The following TIMM22 variants were observed in gnomAD, a reference collection of about 807,000 sequenced individuals.
TIMM22 encodes the protein mitochondrial import inner membrane translocase subunit Tim22.
In TIMM22, 12 loss-of-function variants were observed where a neutral mutation model predicts 18.3. The ratio of observed to expected loss-of-function variants is 0.65; its 90% CI spans 0.42 to 1.06. The LOEUF (loss-of-function observed/expected upper bound fraction) is 1.06. Among genes scored for constraint, TIMM22 ranks in the 50% least tolerant of loss-of-function variants. The pLI, the probability that TIMM22 is intolerant of heterozygous loss-of-function variation, is 0.00. For synonymous variants in TIMM22, 107 were observed against 98.5 expected (o/e 1.09, Z -0.51); for missense variants, 278 against 252.8 (o/e 1.10, Z -0.68).
rs2150670443 is a variant in TIMM22, at chr17:1,003,551, T to TTTTA, written c.*2466_*2469dup. 6.5e-6 allele frequency: 1 copy of TTTTA among 152,792 alleles called. No individual in the cohort carries two copies. The highest frequency in any genetic ancestry group is 2.4e-5 in the African/African-American group (1 of 41,592). 9.5% of individuals were successfully genotyped at this position (152,792 alleles called of 1,614,324 possible). A position where few individuals can be genotyped will look rare whatever the true frequency, so the allele number is the denominator to read the frequency against. On this transcript the variant is annotated 3_prime_UTR_variant, in exon 4 of 4. Coordinates refer to ENST00000327158, the MANE Select transcript of TIMM22 (RefSeq NM_013337.4). ...TGTGCAAATGATGGGGCTTTGCATTTTTTATTAACATTTTCCTCTCACGTG... is the reference window on the plus strand; with the variant it reads ...TGTGCAAATGATGGGGCTTTGCATTTTTTATTTATTAACATTTTCCTCTCACGTG...
intron 1 of TIMM22, 72 bp from the exon 2 acceptor site, chr17:998,707 T>G: frequency 6.6e-7 from 1 of 1,523,906 alleles, no homozygotes; most frequent in South Asian, 1.3e-5. Context: ...GCATGGTCCC[T>G]TCCAGGATGA....
chr17:997,182 G>C lies in TIMM22; in HGVS notation c.40G>C (p.Glu14Gln), dbSNP rs2069689621. 1 of 1,611,778 alleles carries C rather than the reference G, an allele frequency of 6.2e-7. No homozygotes were observed. The highest frequency in any genetic ancestry group is 1.3e-5 in the African/African-American group (1 of 75,056). Residue 14 changes from glutamate (E) to glutamine (Q), a missense_variant, in exon 1 of 4, where the codon GAG (glutamate) becomes CAG (glutamine). By Grantham distance (29) the Glu-to-Gln change is conservative (BLOSUM62 2). Transcript: ENST00000327158. ...CCCCAATGCCGGAGGCTCGGCCCCT[G>C]AGACAGCGGGTTCCGCCGAAGCTCC... The part of the protein sequence containing the change: ...AAPNAGGSAP[E>Q]TAGSAEAPLQ...
chr17:999,008 T>C (rs994135478), intron 2 of TIMM22, 33 bp downstream of exon 2: 23 of 1,578,044 alleles, frequency 1.5e-5, no homozygotes, highest in Admixed American at 9.0e-5. Flanking sequence ...AAATCCTTGC[T>C]GGGGCCACCA....
rs566005290 is a variant in TIMM22 at position 998,164 on chromosome 17, G to A, written c.239-615G>A. On this transcript the variant is annotated intron_variant, in intron 1 of 3. Transcript: ENST00000327158. ...CTTCTGTTTTTCCCTTAAGTTGAAG[G>A]GGAGGTGCCCATGATTTTATTAAAC... Among the ~76,000 whole-genome samples the A allele has an allele frequency of 9.2e-5, 14 of 152,316 alleles. No individual in the cohort carries two copies. In the South Asian group the frequency reaches 2.5e-3, roughly 27 times the overall value.
At chr17:997,440 T>G in intron 1 of TIMM22, 60 bp downstream of exon 1, 10 of 1,516,540 alleles carry the variant, frequency 6.6e-6, no homozygotes, top group African/African-American at 1.4e-5. Flanking sequence ...TGGGGATCTC[T>G]GCCGAGAAGA....
chr17:998,413 T>C (rs1310491001), intron 1 of TIMM22, among the ~76,000 whole-genome samples: 3 of 152,224 alleles, frequency 2.0e-5, no homozygotes, highest in African/African-American at 7.2e-5. Flanking sequence ...CATACTGGCA[T>C]GTGCTCAGTA....
intron 3 of TIMM22, among the ~76,000 whole-genome samples, chr17:1,000,420 AC>A (rs1309374587): frequency 1.3e-5 from 2 of 151,314 alleles, no homozygotes; most frequent in African/African-American, 4.9e-5. Context: ...TGGTGACTTG[AC>A]TTTCCTAGAA....
Position 1,002,477 on chromosome 17 carries a change from G to T in TIMM22, c.*1389G>T, listed in dbSNP as rs1248132147. On this transcript the variant is annotated 3_prime_UTR_variant, in exon 4 of 4. Transcript: ENST00000327158. ...GCCCGAGTGTTTGTACATGAGTGAT[G>T]ATGTCAAACCCAGCTGGTAACACCT... 1 of 152,218 alleles carries T rather than the reference G, an allele frequency of 6.6e-6. No individual in the cohort carries two copies. The highest frequency in any genetic ancestry group is 1.5e-5 in the Non-Finnish European group (1 of 68,056). 9.4% of individuals were successfully genotyped at this position (152,218 alleles called of 1,614,324 possible).
At position 1,001,052 on chromosome 17, in the gene TIMM22, T is replaced by C. The variant is rs773209832; in HGVS notation, c.549T>C (p.Ala183=). 2 of 1,614,088 alleles carry C rather than the reference T, an allele frequency of 1.2e-6. No homozygotes were observed. The highest frequency in any genetic ancestry group is 2.2e-5 in the East Asian group (1 of 44,876). ...GGGCCATTGGTTGTGGAGGTTTTGC[T>C]GCTTTCTCTGCTGCGATTGATTATT... ...KAGAIGCGGF[A]AFSAAIDYYL... is the part of the protein sequence containing the mutation. Residue 183 remains alanine (A), a synonymous_variant, in exon 4 of 4, where the codon GCT becomes GCC. Transcript: ENST00000327158.
rs1433948700 is a variant in TIMM22 at position 1,001,580 on chromosome 17, T to G, written c.*492T>G. 4 of 151,782 alleles carry G rather than the reference T, an allele frequency of 2.6e-5. No individual in the cohort carries two copies. Among genetic ancestry groups the G allele is most frequent in the African/African-American group, 4.9e-5 (2 of 40,862 alleles). 9.4% of individuals were successfully genotyped at this position (151,782 alleles called of 1,614,324 possible). A position where few individuals can be genotyped will look rare whatever the true frequency, so the allele number is the denominator to read the frequency against. On this transcript the variant is annotated 3_prime_UTR_variant, in exon 4 of 4. Coordinates refer to ENST00000327158, the MANE Select transcript of TIMM22 (RefSeq NM_013337.4). Reference sequence around the variant, plus strand: ...CTTGTTTTGTGTTCTGTCATCCTTGTTTTTTTTTTAAAAATACACTCCCCT... The same window carrying G: ...CTTGTTTTGTGTTCTGTCATCCTTGGTTTTTTTTTAAAAATACACTCCCCT...
intron 1 of TIMM22, 90 bp from the exon 2 acceptor site, chr17:998,689 A>T (rs2069709561): frequency 2.4e-5 from 34 of 1,422,034 alleles, no homozygotes; most frequent in Non-Finnish European, 3.1e-5. Flanking sequence ...ACCGGTGGTC[A>T]TCCAAAAGCA....
Position 997,350 on chromosome 17 carries a change from G to T in TIMM22, c.208G>T (p.Ala70Ser). 3.7e-6 allele frequency: 6 copies of T among 1,613,516 alleles called. No homozygotes were observed. Among genetic ancestry groups the T allele is most frequent in the South Asian group, 1.1e-5 (1 of 91,000 alleles). Residue 70 changes from alanine to serine, a missense_variant, in exon 1 of 4, where the codon GCT becomes TCT. By Grantham distance (99) the Ala-to-Ser change is moderately conservative. Coordinates refer to ENST00000327158, the MANE Select transcript of TIMM22 (RefSeq NM_013337.4). ...GATCGAGAAGGCGATGGAAAGCTGCGCTTTCAAGGCTGCGCTGGCCTGCGT... is the reference window on the plus strand; with the variant it reads ...GATCGAGAAGGCGATGGAAAGCTGCTCTTTCAAGGCTGCGCTGGCCTGCGT... ...KMIEKAMESCAFKAALACVGG... is the reference protein window; with the variant it reads ...KMIEKAMESCSFKAALACVGG...
Position 997,392 on chromosome 17 carries a change from C to A in TIMM22, c.238+12C>A, listed in dbSNP as rs1248234062. ...GGCCTGCGTGGGAGGTGAGGCCGGG[C>A]GATGGGACCCTTGGGAGGCTGAGGG... On this transcript the variant is annotated intron_variant, in intron 1 of 3. Transcript: ENST00000327158. 6.2e-7 allele frequency: 1 copy of A among 1,609,672 alleles called. No homozygotes were observed. Among genetic ancestry groups the A allele is most frequent in the Non-Finnish European group, 8.5e-7 (1 of 1,177,612 alleles).
intron 1 of TIMM22, among the ~76,000 whole-genome samples, chr17:998,405 T>G (rs1274324305): frequency 6.6e-6 from 1 of 152,212 alleles, no homozygotes; most frequent in Non-Finnish European, 1.5e-5. Flanking sequence ...GGCTGTGGCA[T>G]ACTGGCATGT....
At chr17:1,000,798 T>G (rs1295515149) in intron 3 of TIMM22, among the ~76,000 whole-genome samples, 1 of 152,222 alleles carries the variant, frequency 6.6e-6, no homozygotes, top group African/African-American at 2.4e-5. Context: ...AAATACCCTT[T>G]GAAGGAGAAA....
chr17:999,495 T>C lies in TIMM22; in HGVS notation c.436-17T>C. The C allele has an allele frequency of 6.2e-7, 1 of 1,613,116 alleles. No homozygotes were observed. The highest frequency in any genetic ancestry group is 8.5e-7 in the Non-Finnish European group (1 of 1,179,536). ...GGCTTGTTTCTTTGGCTCTAACGTGTACTTCCCTGCCCACAGTACCGGGGA... is the reference window on the plus strand; with the variant it reads ...GGCTTGTTTCTTTGGCTCTAACGTGCACTTCCCTGCCCACAGTACCGGGGA... On this transcript the variant is annotated splice_polypyrimidine_tract_variant and intron_variant, in intron 2 of 3. Transcript: ENST00000327158.
In TIMM22 at chr17:1,001,149, C is replaced by G; in HGVS notation, c.*61C>G. The G allele has an allele frequency of 6.4e-7, 1 of 1,566,234 alleles. No homozygotes were observed. The highest frequency in any genetic ancestry group is 8.8e-7 in the Non-Finnish European group (1 of 1,138,742). On this transcript the variant is annotated 3_prime_UTR_variant, in exon 4 of 4. Coordinates refer to ENST00000327158, the MANE Select transcript of TIMM22 (RefSeq NM_013337.4). ...CGGATCCGGGCTGCTCTCTGGAGGA[C>G]AGTTTCTGTACCACACCAGGGCCTT...
chr17:1,003,227 A>C lies in TIMM22; in HGVS notation c.*2139A>C, dbSNP rs2069795245. The C allele has an allele frequency of 6.6e-6, 1 of 152,268 alleles. No homozygotes were observed. Among genetic ancestry groups the C allele is most frequent in the South Asian group, 2.1e-4 (1 of 4,832 alleles). 9.4% of individuals were successfully genotyped at this position (152,268 alleles called of 1,614,324 possible). A position where few individuals can be genotyped will look rare whatever the true frequency, so the allele number is the denominator to read the frequency against. Reference sequence around the variant, plus strand: ...GACAACTTCATGCCACTTTCAAGGCACACCGATGGCCAGGTGGGACATTTG... The same window carrying C: ...GACAACTTCATGCCACTTTCAAGGCCCACCGATGGCCAGGTGGGACATTTG... On this transcript the variant is annotated 3_prime_UTR_variant, in exon 4 of 4. Coordinates refer to ENST00000327158, the MANE Select transcript of TIMM22 (RefSeq NM_013337.4).
intron 1 of TIMM22, 52 bp from the exon 2 acceptor site, chr17:998,727 A>T: frequency 1.3e-6 from 2 of 1,581,082 alleles, no homozygotes; most frequent in Non-Finnish European, 1.7e-6. Context: ...ATCCCAATAG[A>T]GTAATGCAGA....
Sources: gnomAD v4.1 joint callset for allele counts (sites outside exome capture counted in the v4.1 genomes callset) on GRCh38, gnomAD v4.1.1 for gene constraint, MANE v1.5 for transcripts, NCBI Gene and HGNC (gene_info 2026-07-23, HGNC 2026-07-21) for gene names.